Variants in LRBA observed in about 807,000 individuals in gnomAD.
LRBA encodes lipopolysaccharide-responsive and beige-like anchor protein.
A neutral mutation model predicts 330.0 loss-of-function variants in LRBA; 176 were observed. That is an observed-to-expected ratio of 0.53 (90% CI 0.47 to 0.60). The LOEUF (loss-of-function observed/expected upper bound fraction) is 0.60, where lower values mean the gene tolerates loss of function less well. LRBA is among the 20% of genes least tolerant of loss of function. The pLI is 0.00. For synonymous variants in LRBA, 1,230 were observed against 1,193.0 expected (o/e 1.03, Z -0.64); for missense variants, 3,259 against 3,444.8 (o/e 0.95, Z 1.35).
intron 22 of LRBA, among the ~76,000 whole-genome samples, chr4:150,867,112 TAA>T (rs202028551): frequency 2.0e-4 from 24 of 122,734 alleles, no homozygotes; most frequent in Admixed American, 3.3e-4. Flanking sequence ...TGGCTTAATT[TAA>T]AAAAAAAAAA....
intron 2 of LRBA, among the ~76,000 whole-genome samples, chr4:150,945,111 T>C (rs1736104645): frequency 6.6e-6 from 1 of 152,316 alleles, no homozygotes; most frequent in African/African-American, 2.4e-5. Flanking sequence ...CTAATACAAC[T>C]GGAAAGTTCT....
chr4:150,640,114 C>A (rs1376011353), intron 37 of LRBA, among the ~76,000 whole-genome samples: 1 of 151,608 alleles, frequency 6.6e-6, no homozygotes, highest in African/African-American at 2.4e-5. Context: ...GCCTTGGCCT[C>A]CCAAAATGCT....
rs548017438 is a variant in LRBA, at chr4:150,422,932, A to G, written c.7042-7342T>C. 1.9e-4 allele frequency: 148 copies of G among 793,886 alleles called. 2 individuals are homozygous for G. In the East Asian group the frequency reaches 3.6e-3, roughly 19 times the overall value. 49.2% of individuals were successfully genotyped at this position (793,886 alleles called of 1,614,324 possible). ...AAGGGGATGGATGCCAGCTCTGTAC[A>G]AGACTTCATTCTTAATGACGTTCCC... On this transcript the variant is annotated intron_variant, in intron 46 of 56. Coordinates refer to ENST00000651943, the MANE Select transcript of LRBA (RefSeq NM_001364905.1).
chr4:150,359,917 T>C (rs1271161410), intron 47 of LRBA, among the ~76,000 whole-genome samples: 1 of 151,494 alleles, frequency 6.6e-6, no homozygotes, highest in Non-Finnish European at 1.5e-5. Flanking sequence ...GAGGTGGAGG[T>C]TGCAGTGAGC....
Position 150,852,109 on chromosome 4 carries a change from C to T in LRBA, c.3601G>A (p.Val1201Ile), listed in dbSNP as rs750938094. 2 of 1,614,136 alleles carry T rather than the reference C, an allele frequency of 1.2e-6. No homozygotes were observed. The highest frequency in any genetic ancestry group is 1.1e-5 in the South Asian group (1 of 91,074). ...AGCATCTGACCAAGGTCTGATTCTACAGCTATTTGGGAAACAGTAGTTTCT... is the reference window on the plus strand; with the variant it reads ...AGCATCTGACCAAGGTCTGATTCTATAGCTATTTGGGAAACAGTAGTTTCT... Reference protein sequence around the residue: ...SPETTVSQIAVESDLGQMLEE... With the variant: ...SPETTVSQIAIESDLGQMLEE... Residue 1201 changes from valine to isoleucine, a missense_variant, in exon 23 of 57, where the codon GTA becomes ATA. Val to Ile is a conservative substitution (Grantham distance 29). Transcript: ENST00000651943.
At chr4:150,957,811 C>T (rs1737702332) in intron 2 of LRBA, among the ~76,000 whole-genome samples, 1 of 149,116 alleles carries the variant, frequency 6.7e-6, no homozygotes, top group African/African-American at 2.6e-5. Context: ...CCGTGCAAGT[C>T]CAAAGCCAGT....
At chr4:150,476,757 T>G (rs1456240494) in intron 42 of LRBA, among the ~76,000 whole-genome samples, 1 of 152,174 alleles carries the variant, frequency 6.6e-6, no homozygotes, top group African/African-American at 2.4e-5. Flanking sequence ...AAACTATTGT[T>G]GGTGGCATCT....
chr4:150,776,769 C>T (rs1473595210), intron 34 of LRBA, among the ~76,000 whole-genome samples: 20 of 65,534 alleles, frequency 3.1e-4, no homozygotes, highest in Non-Finnish European at 1.6e-3. Context: ...AAGATCGCAC[C>T]ACTGCACTCC....
At position 150,440,995 on chromosome 4, in the gene LRBA, T is replaced by A. The variant is rs539913579; in HGVS notation, c.6781-4131A>T. On this transcript the variant is annotated intron_variant, in intron 44 of 56. Coordinates refer to ENST00000651943, the MANE Select transcript of LRBA (RefSeq NM_001364905.1). ...TGCAAAATAAAACTTGTAAAATTGG[T>A]TTTGTAAGAAGACTGCAATTAAAAA... is the stretch of plus-strand genomic sequence containing the variant. 3.9e-5 allele frequency among the ~76,000 whole-genome samples: 6 copies of A among 152,190 alleles called. No individual in the cohort carries two copies. The South Asian group carries it at 8.3e-4, about 21-fold the overall frequency.
chr4:150,974,780 G>C (rs1739966829), intron 2 of LRBA, among the ~76,000 whole-genome samples: 1 of 152,102 alleles, frequency 6.6e-6, no homozygotes, highest in Non-Finnish European at 1.5e-5. Flanking sequence ...CCTGTGCAAA[G>C]CATATGACAG....
intron 35 of LRBA, 40 bp from the exon 36 acceptor site, chr4:150,735,406 A>G (rs747330199): frequency 1.6e-6 from 2 of 1,248,776 alleles, no homozygotes; most frequent in Admixed American, 3.4e-5. Flanking sequence ...ATATGTATAC[A>G]CACACAACAT....
At chr4:150,327,420 G>A (rs1406288917) in intron 48 of LRBA, among the ~76,000 whole-genome samples, 1 of 152,100 alleles carries the variant, frequency 6.6e-6, no homozygotes, top group East Asian at 1.9e-4. Flanking sequence ...CTGGACAAGA[G>A]TACAGCCTGA....
intron 17 of LRBA, among the ~76,000 whole-genome samples, chr4:150,872,990 A>G: frequency 6.6e-6 from 1 of 152,168 alleles, no homozygotes; most frequent in East Asian, 1.9e-4. Context: ...TTCCATGCAC[A>G]TACTTATATG....
At chr4:150,559,648 T>C (rs1281857292) in intron 40 of LRBA, among the ~76,000 whole-genome samples, 2 of 58,830 alleles carry the variant, frequency 3.4e-5, no homozygotes, top group Non-Finnish European at 6.4e-5. Flanking sequence ...TTATATAATA[T>C]AATATATAAT....
chr4:150,929,735 T>C (rs1272468638), intron 2 of LRBA, among the ~76,000 whole-genome samples: 1 of 152,174 alleles, frequency 6.6e-6, no homozygotes, highest in African/African-American at 2.4e-5. Flanking sequence ...TAAATCGTAA[T>C]TGTGTAAAGG....
At chr4:150,708,389 A>T (rs1168211051) in intron 36 of LRBA, among the ~76,000 whole-genome samples, 1 of 151,838 alleles carries the variant, frequency 6.6e-6, no homozygotes, top group Admixed American at 6.6e-5. Flanking sequence ...TCTTTTCAAT[A>T]ATTCACTTCT....
chr4:150,564,375 C>G (rs1291106391), intron 40 of LRBA, among the ~76,000 whole-genome samples: 2 of 152,230 alleles, frequency 1.3e-5, no homozygotes, highest in South Asian at 2.1e-4. Flanking sequence ...ATCCCTCATA[C>G]AAAAATTAAT....
intron 44 of LRBA, among the ~76,000 whole-genome samples, chr4:150,448,533 G>A (rs372751183): frequency 3.9e-5 from 6 of 152,112 alleles, no homozygotes; most frequent in African/African-American, 1.4e-4. Flanking sequence ...CGGGCGTGGC[G>A]GCTCACACCT....
At chr4:150,710,718 C>T (rs767632983) in intron 36 of LRBA, among the ~76,000 whole-genome samples, 5 of 152,122 alleles carry the variant, frequency 3.3e-5, no homozygotes, top group Non-Finnish European at 7.4e-5. Flanking sequence ...ATGTGAATTA[C>T]TTTGACCCTA....
Sources: allele counts gnomAD v4.1 joint callset (sites outside exome capture counted in the v4.1 genomes callset), GRCh38; gene constraint gnomAD v4.1.1; transcripts MANE v1.5; gene names NCBI Gene and HGNC (gene_info 2026-07-23, HGNC 2026-07-21).